Variants in SECISBP2L observed in about 807,000 individuals in gnomAD.
SECISBP2L encodes the protein selenocysteine insertion sequence-binding protein 2-like.
A neutral mutation model predicts 114.7 loss-of-function variants in SECISBP2L; 43 were observed. That is an observed-to-expected ratio of 0.38 (90% CI 0.29 to 0.48). SECISBP2L has a LOEUF of 0.48. Ranked by LOEUF, SECISBP2L falls within the 20% of genes least tolerant of loss-of-function variation. The pLI is 0.98. For missense variants in SECISBP2L, 1,136 were observed against 1,301.1 expected, an observed-to-expected ratio of 0.87 and a Z score of 1.95; for synonymous variants, 451 against 439.7, an observed-to-expected ratio of 1.03 and a Z score of -0.32.
At chr15:49,020,101 T>C (rs964959114) in intron 7 of SECISBP2L, among the ~76,000 whole-genome samples, 1 of 152,202 alleles carries the variant, frequency 6.6e-6, no homozygotes, top group South Asian at 2.1e-4. Flanking sequence ...AGGGTCCTTG[T>C]GATGATGGAT....
intron 7 of SECISBP2L, among the ~76,000 whole-genome samples, chr15:49,020,193 G>A (rs1902613722): frequency 6.6e-6 from 1 of 152,064 alleles, no homozygotes; most frequent in Non-Finnish European, 1.5e-5. Flanking sequence ...ACCACAGGGG[G>A]GAAACTGCAT....
chr15:49,037,813 A>G (rs1397872068), intron 1 of SECISBP2L, 44 bp from the exon 2 acceptor site: 1 of 1,509,450 alleles, frequency 6.6e-7, no homozygotes, highest in Non-Finnish European at 9.0e-7. Context: ...ATGAGCAAGC[A>G]ACTTCCTACA....
chr15:49,029,391 C>A lies in SECISBP2L; in HGVS notation c.665-709G>T, dbSNP rs201296286. On this transcript the variant is annotated intron_variant, in intron 4 of 17. Coordinates refer to ENST00000559471, the MANE Select transcript of SECISBP2L (RefSeq NM_001193489.2). ...GCCATGGATTTCTGTATTTCTAAAA[C>A]CTAAATCATATAATTTTCCAGTTTC... 2.6e-5 allele frequency among the ~76,000 whole-genome samples: 4 copies of A among 152,254 alleles called. No individual in the cohort carries two copies. The East Asian group carries it at 5.8e-4, about 22-fold the overall frequency.
rs757655160 is a variant in SECISBP2L at position 48,992,607 on chromosome 15, G to A, written c.2943C>T (p.Ser981=). Residue 981 remains serine (S), a synonymous_variant, in exon 18 of 18, where the codon AGC becomes AGT. Transcript: ENST00000559471. The part of the protein sequence containing the change: ...LLNSSITSTT[S]TLVPGMLEEE... Reference sequence around the variant, plus strand: ...CTTCAAGCATGCCAGGTACAAGAGTGCTGGTGGTGCTGGTGATGGAGGAAT... The same window carrying A: ...CTTCAAGCATGCCAGGTACAAGAGTACTGGTGGTGCTGGTGATGGAGGAAT... The A allele has an allele frequency of 3.1e-6, 5 of 1,614,158 alleles. No homozygotes were observed. The East Asian group carries it at 1.1e-4, about 36-fold the overall frequency.
chr15:49,001,562 C>T (rs927952665), intron 14 of SECISBP2L: 1 of 154,636 alleles, frequency 6.5e-6, no homozygotes, highest in African/African-American at 2.4e-5. Context: ...TTTGCTGCAC[C>T]CATCAACCCG....
intron 14 of SECISBP2L, among the ~76,000 whole-genome samples, chr15:49,005,872 T>A (rs1373105677): frequency 6.6e-6 from 1 of 152,100 alleles, no homozygotes; most frequent in African/African-American, 2.4e-5. Flanking sequence ...ATTTGGTATG[T>A]TTTTGCAGTG....
At position 48,990,723 on chromosome 15, in the gene SECISBP2L, G is replaced by GGGCAA. The variant is rs1566849054; in HGVS notation, c.*1520_*1521insTTGCC. On this transcript the variant is annotated 3_prime_UTR_variant, in exon 18 of 18. Transcript: ENST00000559471. ...TGCCCAATTCTTCTCTCCTGCCTCTGTGAGGCAAAGCCCTGCCCCAGATAA... is the reference window on the plus strand; with the variant it reads ...TGCCCAATTCTTCTCTCCTGCCTCTGGGCAATGAGGCAAAGCCCTGCCCCAGATAA... 6.6e-6 allele frequency: 1 copy of GGGCAA among 152,494 alleles called. No individual in the cohort carries two copies. The highest frequency in any genetic ancestry group is 1.5e-5 in the Non-Finnish European group (1 of 68,020). The allele number at this position is 152,494 out of a possible 1,614,324, so 9.4% of individuals were successfully genotyped here. A position where few individuals can be genotyped will look rare whatever the true frequency, so the allele number is the denominator to read the frequency against.
intron 17 of SECISBP2L, among the ~76,000 whole-genome samples, chr15:48,993,579 C>T (rs1336853374): frequency 6.6e-6 from 1 of 152,098 alleles, no homozygotes; most frequent in Non-Finnish European, 1.5e-5. Context: ...CATGCTCACT[C>T]AGCAAGTTAT....
intron 4 of SECISBP2L, among the ~76,000 whole-genome samples, chr15:49,029,937 T>C (rs1902850678): frequency 6.6e-6 from 1 of 150,628 alleles, no homozygotes; most frequent in South Asian, 2.1e-4. Flanking sequence ...GTGTTTTCCC[T>C]TCTGAGAAAT....
chr15:49,000,609 A>G (rs1441724319), intron 15 of SECISBP2L, among the ~76,000 whole-genome samples: 1 of 152,236 alleles, frequency 6.6e-6, no homozygotes, highest in East Asian at 1.9e-4. Context: ...CATTCTGGCT[A>G]GACCTCCATC....
intron 4 of SECISBP2L, among the ~76,000 whole-genome samples, chr15:49,029,567 G>A (rs1317108880): frequency 6.6e-6 from 1 of 152,138 alleles, no homozygotes; most frequent in East Asian, 1.9e-4. Context: ...TGAGACACCT[G>A]AGTTGTTTTG....
chr15:49,008,921 T>C (rs999618567), intron 14 of SECISBP2L, among the ~76,000 whole-genome samples: 1 of 152,192 alleles, frequency 6.6e-6, no homozygotes, highest in African/African-American at 2.4e-5. Flanking sequence ...GGAGGAAAAC[T>C]GATAGTACAA....
chr15:49,036,274 C>G (rs1384291033), intron 2 of SECISBP2L, among the ~76,000 whole-genome samples: 1 of 152,144 alleles, frequency 6.6e-6, no homozygotes, highest in Non-Finnish European at 1.5e-5. Context: ...AGGAGTGGAG[C>G]TTCTTCTAAT....
intron 1 of SECISBP2L, among the ~76,000 whole-genome samples, chr15:49,038,020 ACAAT>A (rs1428829112): frequency 1.2e-4 from 18 of 152,334 alleles, no homozygotes; most frequent in African/African-American, 4.1e-4. Flanking sequence ...AGCTGTTAAA[ACAAT>A]CAAGAGAACA....
At chr15:49,031,827 A>G (rs867784421) in intron 4 of SECISBP2L, among the ~76,000 whole-genome samples, 2 of 152,218 alleles carry the variant, frequency 1.3e-5, no homozygotes, top group East Asian at 1.9e-4. Flanking sequence ...AAGCAACGTA[A>G]AGAAGTAAGG....
At chr15:49,020,137 G>A (rs1293999218) in intron 7 of SECISBP2L, among the ~76,000 whole-genome samples, 1 of 152,176 alleles carries the variant, frequency 6.6e-6, no homozygotes, top group African/African-American at 2.4e-5. Context: ...ACTGTATCGA[G>A]GCCAATATCT....
At chr15:49,005,026 G>A (rs1902287706) in intron 14 of SECISBP2L, among the ~76,000 whole-genome samples, 1 of 152,126 alleles carries the variant, frequency 6.6e-6, no homozygotes, top group African/African-American at 2.4e-5. Flanking sequence ...TTGACAGTGG[G>A]GTGTTAAAGT....
chr15:49,028,217 T>C (rs1372014664), intron 5 of SECISBP2L, 49 bp from the exon 6 acceptor site: 5 of 1,474,652 alleles, frequency 3.4e-6, no homozygotes, highest in Non-Finnish European at 3.7e-6. Context: ...AGAACCAACA[T>C]TATGTACTTT....
rs1902929650 is a variant in SECISBP2L at position 49,033,051 on chromosome 15, T to C, written c.578A>G (p.Asn193Ser). Residue 193 changes from asparagine (N) to serine (S), a missense_variant, in exon 4 of 18, where the codon AAT becomes AGT. Coordinates refer to ENST00000559471, the MANE Select transcript of SECISBP2L (RefSeq NM_001193489.2). ...ATTTGTTTCTTTCTGAGTAGCTACA[T>C]TTTTCACCAGCGGCCTTTTGCTTTT... Reference protein sequence around the residue: ...HIKSKRPLVKNVATQKETNAA... With the variant: ...HIKSKRPLVKSVATQKETNAA... The C allele has an allele frequency of 6.2e-7, 1 of 1,613,990 alleles. No individual in the cohort carries two copies. The highest frequency in any genetic ancestry group is 1.3e-5 in the African/African-American group (1 of 74,898).
Sources: gnomAD v4.1 joint callset for allele counts (sites outside exome capture counted in the v4.1 genomes callset) on GRCh38, gnomAD v4.1.1 for gene constraint, MANE v1.5 for transcripts, NCBI Gene and HGNC (gene_info 2026-07-23, HGNC 2026-07-21) for gene names.